TSHZ2: variants seen among roughly 807,000 people sequenced by gnomAD.
The protein encoded by TSHZ2 is teashirt zinc finger homeobox 2.
In TSHZ2, 21 loss-of-function variants were observed where a neutral mutation model predicts 74.4. That is an observed-to-expected ratio of 0.28 (90% CI 0.20 to 0.41). TSHZ2 has a LOEUF of 0.41. Ranked by LOEUF, TSHZ2 falls within the 10% of genes least tolerant of loss-of-function variation. TSHZ2 has a pLI of 1.00. For missense variants in TSHZ2, 1,244 were observed against 1,293.5 expected, an observed-to-expected ratio of 0.96 and a Z score of 0.59; for synonymous variants, 540 against 515.3, an observed-to-expected ratio of 1.05 and a Z score of -0.65.
intron 2 of TSHZ2, among the ~76,000 whole-genome samples, chr20:53,302,397 A>C (rs1404427887): frequency 6.6e-6 from 1 of 152,196 alleles, no homozygotes; most frequent in Non-Finnish European, 1.5e-5. Context: ...ATTTCATCGA[A>C]CCTTGTTAGT....
At chr20:53,067,314 G>A (rs1985023510) in intron 1 of TSHZ2, among the ~76,000 whole-genome samples, 1 of 152,164 alleles carries the variant, frequency 6.6e-6, no homozygotes, top group Admixed American at 6.5e-5. Flanking sequence ...TCTTGAGCAG[G>A]TTTTTTGTTA....
intron 2 of TSHZ2, among the ~76,000 whole-genome samples, chr20:53,270,163 C>A (rs1285739215): frequency 6.6e-6 from 1 of 151,996 alleles, no homozygotes; most frequent in African/African-American, 2.4e-5. Context: ...TTGTTTTCCC[C>A]TCTAATAGAT....
chr20:53,000,909 C>T (rs947048145), intron 1 of TSHZ2, among the ~76,000 whole-genome samples: 1 of 152,076 alleles, frequency 6.6e-6, no homozygotes, highest in African/African-American at 2.4e-5. Flanking sequence ...GCTCAAGGCA[C>T]AGTCTTCCTG....
At chr20:52,996,763 G>T (rs1161014564) in intron 1 of TSHZ2, among the ~76,000 whole-genome samples, 1 of 152,184 alleles carries the variant, frequency 6.6e-6, no homozygotes, top group Non-Finnish European at 1.5e-5. Flanking sequence ...ATTGATGTGT[G>T]CATGTGACAG....
At chr20:53,376,177 G>C (rs1981651321) in intron 2 of TSHZ2, among the ~76,000 whole-genome samples, 1 of 152,202 alleles carries the variant, frequency 6.6e-6, no homozygotes, top group Admixed American at 6.5e-5. Flanking sequence ...AAGCATAACG[G>C]ACTTGGTGTG....
intron 1 of TSHZ2, among the ~76,000 whole-genome samples, chr20:53,133,496 G>A (rs1391645332): frequency 6.6e-6 from 1 of 152,162 alleles, no homozygotes; most frequent in South Asian, 2.1e-4. Context: ...ACACAACACT[G>A]ACTTCTGTTC....
chr20:53,317,209 C>T (rs1418894707), intron 2 of TSHZ2, among the ~76,000 whole-genome samples: 1 of 152,190 alleles, frequency 6.6e-6, no homozygotes, highest in African/African-American at 2.4e-5. Context: ...CCAAAAGGCT[C>T]CTGCCAGGCT....
At chr20:53,148,643 A>G (rs1019187919) in intron 1 of TSHZ2, among the ~76,000 whole-genome samples, 2 of 152,122 alleles carry the variant, frequency 1.3e-5, no homozygotes, top group African/African-American at 4.8e-5. Flanking sequence ...ATATGTATGG[A>G]TCATGGGGTG....
intron 2 of TSHZ2, among the ~76,000 whole-genome samples, chr20:53,365,027 A>C (rs1296737378): frequency 6.6e-6 from 1 of 152,260 alleles, no homozygotes; most frequent in Non-Finnish European, 1.5e-5. Flanking sequence ...GAACAGCCAA[A>C]AGCAACAATG....
intron 2 of TSHZ2, among the ~76,000 whole-genome samples, chr20:53,335,650 A>G (rs1979915969): frequency 6.6e-6 from 1 of 152,242 alleles, no homozygotes; most frequent in Non-Finnish European, 1.5e-5. Context: ...AAATGTCTGT[A>G]CTGAGGCTTT....
intron 2 of TSHZ2, among the ~76,000 whole-genome samples, chr20:53,485,802 G>A (rs1428731336): frequency 6.6e-6 from 1 of 152,012 alleles, no homozygotes; most frequent in African/African-American, 2.4e-5. Flanking sequence ...AGGTTAATAG[G>A]TTGTTTTGTT....
At chr20:53,157,570 C>A (rs1987827600) in intron 1 of TSHZ2, among the ~76,000 whole-genome samples, 1 of 151,986 alleles carries the variant, frequency 6.6e-6, no homozygotes, top group Admixed American at 6.5e-5. Context: ...CCATGCCACG[C>A]CCCGAATTGG....
intron 2 of TSHZ2, among the ~76,000 whole-genome samples, chr20:53,454,007 C>A (rs1427666212): frequency 2.0e-5 from 3 of 152,146 alleles, no homozygotes; most frequent in Non-Finnish European, 2.9e-5. Flanking sequence ...ATCAAGTCTA[C>A]CTATAACTTC....
Position 53,067,206 on chromosome 20 carries a change from T to C in TSHZ2, c.40+93873T>C, listed in dbSNP as rs371188983. Among the ~76,000 whole-genome samples, 187 of 152,294 alleles carry C rather than the reference T, an allele frequency of 1.2e-3. No individual in the cohort carries two copies. In the Middle Eastern group the frequency reaches 0.017, roughly 14 times the overall value. ...ACTGTCTCTTCGATGGTTGATGGTATGTAATTGAAACAAGTGATCCTCCCC... is the reference window on the plus strand; with the variant it reads ...ACTGTCTCTTCGATGGTTGATGGTACGTAATTGAAACAAGTGATCCTCCCC... On this transcript the variant is annotated intron_variant, in intron 1 of 2. Coordinates refer to ENST00000371497, the MANE Select transcript of TSHZ2 (RefSeq NM_173485.6).
intron 2 of TSHZ2, among the ~76,000 whole-genome samples, chr20:53,334,579 G>A (rs987660633): frequency 6.6e-6 from 1 of 152,182 alleles, no homozygotes; most frequent in African/African-American, 2.4e-5. Context: ...GTGCGGCCAA[G>A]GGGAGAAGCA....
intron 2 of TSHZ2, among the ~76,000 whole-genome samples, chr20:53,322,904 T>A (rs1381300081): frequency 6.6e-6 from 1 of 152,186 alleles, no homozygotes; most frequent in Non-Finnish European, 1.5e-5. Context: ...TTGGTGCTCA[T>A]GGAAACCAGT....
At chr20:53,439,015 G>T (rs1309826249) in intron 2 of TSHZ2, among the ~76,000 whole-genome samples, 1 of 152,142 alleles carries the variant, frequency 6.6e-6, no homozygotes, top group Non-Finnish European at 1.5e-5. Context: ...ATTATTTATG[G>T]CAGTTATACA....
At chr20:53,389,889 G>A (rs749496200) in intron 2 of TSHZ2, among the ~76,000 whole-genome samples, 10 of 152,286 alleles carry the variant, frequency 6.6e-5, no homozygotes, top group Admixed American at 2.0e-4. Flanking sequence ...TGTCAATAGC[G>A]CTGAGGTTGA....
At chr20:53,476,550 A>G (rs1985999264) in intron 2 of TSHZ2, among the ~76,000 whole-genome samples, 1 of 146,964 alleles carries the variant, frequency 6.8e-6, no homozygotes, top group Non-Finnish European at 1.5e-5. Flanking sequence ...CACAGCCAAT[A>G]TCATACTGAA....
Sources: allele counts gnomAD v4.1 joint callset (sites outside exome capture counted in the v4.1 genomes callset), GRCh38; gene constraint gnomAD v4.1.1; transcripts MANE v1.5; gene names NCBI Gene and HGNC (gene_info 2026-07-23, HGNC 2026-07-21).